AOPEP: variants seen among roughly 807,000 people sequenced by gnomAD.
The protein encoded by AOPEP is aminopeptidase O.
AOPEP carries 77 observed loss-of-function variants against 98.1 expected under a neutral mutation model. The ratio of observed to expected loss-of-function variants is 0.78; its 90% CI spans 0.65 to 0.95. The LOEUF (loss-of-function observed/expected upper bound fraction) is 0.95. AOPEP is among the 40% of genes least tolerant of loss of function. The pLI is 0.00. For missense variants in AOPEP, 1,024 were observed against 1,024.7 expected, an observed-to-expected ratio of 1.00 and a Z score of 0.01; for synonymous variants, 346 against 365.3, an observed-to-expected ratio of 0.95 and a Z score of 0.60.
the AOPEP span, among the ~76,000 whole-genome samples, chr9:95,140,349 C>T: frequency 6.6e-6 from 1 of 152,068 alleles, no homozygotes; most frequent in Non-Finnish European, 1.5e-5. Context: ...TACTTTGTTT[C>T]CCCCAAATAC....
rs200946624 is a variant in AOPEP, at chr9:94,989,124, CAG to C, written c.1977+9700_1977+9701del. Among the ~76,000 whole-genome samples the C allele has an allele frequency of 5.2e-3, 796 of 151,930 alleles. 14 individuals are homozygous for C. The highest frequency in any genetic ancestry group is 0.044 in the East Asian group (225 of 5,166). On this transcript the variant is annotated intron_variant, in intron 11 of 16. Coordinates refer to ENST00000375315, the MANE Select transcript of AOPEP (RefSeq NM_001193329.3). ...GTTTGTTTGTTTGTTTGTTTTGAGA[CAG>C]AGTCTTGCTCTGTCACCCAGGCTGG...
Position 94,911,166 on chromosome 9 carries a change from G to T in AOPEP, c.1365-12820G>T, listed in dbSNP as rs113545977. On this transcript the variant is annotated intron_variant, in intron 5 of 16. Coordinates refer to ENST00000375315, the MANE Select transcript of AOPEP (RefSeq NM_001193329.3). ...CCCTTTGGAACTAGTGGTTTAAAATGAGCTCTCCTTTACCTCCATTCTTGT... is the reference window on the plus strand; with the variant it reads ...CCCTTTGGAACTAGTGGTTTAAAATTAGCTCTCCTTTACCTCCATTCTTGT... Among the ~76,000 whole-genome samples, 13 of 152,292 alleles carry T rather than the reference G, an allele frequency of 8.5e-5. 1 individual carries two copies. The highest frequency in any genetic ancestry group is 3.1e-4 in the African/African-American group (13 of 41,574).
At chr9:94,810,553 G>T (rs1850319045) in intron 5 of AOPEP, among the ~76,000 whole-genome samples, 2 of 152,086 alleles carry the variant, frequency 1.3e-5, no homozygotes, top group African/African-American at 4.8e-5. Context: ...CACCTCAAAT[G>T]ATCCACCCAC....
intron 13 of AOPEP, among the ~76,000 whole-genome samples, chr9:95,057,827 C>T (rs1227136575): frequency 1.3e-5 from 2 of 152,124 alleles, no homozygotes; most frequent in African/African-American, 2.4e-5. Flanking sequence ...CAAGTCTATT[C>T]AGAAGAATGG....
intron 5 of AOPEP, among the ~76,000 whole-genome samples, chr9:94,865,594 T>C (rs1298496564): frequency 2.6e-5 from 4 of 152,230 alleles, no homozygotes; most frequent in Non-Finnish European, 5.9e-5. Context: ...ATTGGTAACA[T>C]TACTTGGCAT....
intron 3 of AOPEP, among the ~76,000 whole-genome samples, chr9:94,774,673 A>T (rs572854011): frequency 6.6e-6 from 1 of 152,242 alleles, no homozygotes; most frequent in South Asian, 2.1e-4. Flanking sequence ...TTTTCCTGTT[A>T]TAAATAAAGT....
At chr9:94,896,710 C>T (rs1041499029) in intron 5 of AOPEP, among the ~76,000 whole-genome samples, 1 of 152,152 alleles carries the variant, frequency 6.6e-6, no homozygotes, top group Non-Finnish European at 1.5e-5. Context: ...TTAAAACTGT[C>T]AAGGTCATCA....
In AOPEP at chr9:94,953,051, G is replaced by A. The variant is rs80084917; in HGVS notation, c.1662-2126G>A. 5.0e-3 allele frequency among the ~76,000 whole-genome samples: 756 copies of A among 152,282 alleles called. 3 individuals are homozygous for A. Among genetic ancestry groups the A allele is most frequent in the African/African-American group, 0.017 (688 of 41,558 alleles). On this transcript the variant is annotated intron_variant, in intron 7 of 16. Transcript: ENST00000375315. ...CGAGCAGTCTCAATTCAGGGCTCAA[G>A]GGCAAAAAAGACGCACGGCAACTCT...
chr9:95,134,428 CACTA>C, the AOPEP span, among the ~76,000 whole-genome samples: 2 of 152,170 alleles, frequency 1.3e-5, no homozygotes, highest in Non-Finnish European at 2.9e-5. Flanking sequence ...GTGTCCCGGC[CACTA>C]ACTAAAGACC....
At position 94,760,468 on chromosome 9, in the gene AOPEP, A is replaced by T. The variant is rs140563732; in HGVS notation, c.685A>T (p.Ile229Leu). Residue 229 changes from isoleucine (I) to leucine (L), a missense_variant, in exon 2 of 17, where the codon ATA becomes TTA. Transcript: ENST00000375315. Reference sequence around the variant, plus strand: ...TGACACTGACACTTGGAGCTTGCAGATAAGGAAGACAGGGGCTCAGACAGC... The same window carrying T: ...TGACACTGACACTTGGAGCTTGCAGTTAAGGAAGACAGGGGCTCAGACAGC... ...LFDTDTWSLQ[I>L]RKTGAQTATD... 1.4e-4 allele frequency: 232 copies of T among 1,613,618 alleles called. No homozygotes were observed. In the East Asian group the frequency reaches 3.4e-3, roughly 24 times the overall value.
chr9:94,755,830 T>G (rs1370835441), intron 1 of AOPEP, among the ~76,000 whole-genome samples: 1 of 152,242 alleles, frequency 6.6e-6, no homozygotes, highest in Non-Finnish European at 1.5e-5. Flanking sequence ...ACTTTGCCTC[T>G]CTGGGACCCA....
chr9:94,879,913 C>T lies in AOPEP; in HGVS notation c.1365-44073C>T, dbSNP rs115460914. ...TTGTGGAGTGCAGGCCTTTTAACAA[C>T]GGAAGCTTTAAAGACTCAGGAAGGA... On this transcript the variant is annotated intron_variant, in intron 5 of 16. Coordinates refer to ENST00000375315, the MANE Select transcript of AOPEP (RefSeq NM_001193329.3). 7.5e-3 allele frequency among the ~76,000 whole-genome samples: 1,144 copies of T among 152,284 alleles called. 15 individuals are homozygous for T. The highest frequency in any genetic ancestry group is 0.026 in the African/African-American group (1,101 of 41,556).
chr9:95,005,971 G>T (rs1194425383), intron 13 of AOPEP: 1 of 490,686 alleles, frequency 2.0e-6, no homozygotes, highest in Non-Finnish European at 4.1e-6. Flanking sequence ...ACAGTATTAG[G>T]TTTCCATGCT....
chr9:94,816,604 G>A (rs1382456150), intron 5 of AOPEP, among the ~76,000 whole-genome samples: 2 of 152,158 alleles, frequency 1.3e-5, no homozygotes, highest in Admixed American at 6.5e-5. Context: ...CCTTCAGTAG[G>A]GAGGGCATAT....
intron 5 of AOPEP, among the ~76,000 whole-genome samples, chr9:94,863,936 A>T (rs1050824421): frequency 4.6e-5 from 7 of 152,202 alleles, no homozygotes; most frequent in Non-Finnish European, 1.0e-4. Flanking sequence ...AGTGACACTT[A>T]GCTGCAAGGG....
At chr9:95,081,977 TGTGA>T (rs957562848) in intron 15 of AOPEP, among the ~76,000 whole-genome samples, 1 of 152,030 alleles carries the variant, frequency 6.6e-6, no homozygotes, top group East Asian at 1.9e-4. Context: ...AAAATGCAGA[TGTGA>T]GTGTTTGCGG....
chr9:95,130,882 T>C, the AOPEP span, among the ~76,000 whole-genome samples: 1 of 152,256 alleles, frequency 6.6e-6, no homozygotes, highest in African/African-American at 2.4e-5. Context: ...CCTTCACATC[T>C]ATCATGTACA....
At chr9:94,795,081 C>G (rs1846618117) in intron 4 of AOPEP, among the ~76,000 whole-genome samples, 1 of 152,144 alleles carries the variant, frequency 6.6e-6, no homozygotes, top group Admixed American at 6.5e-5. Context: ...GCCTGCAAAA[C>G]AGATTGGATA....
the AOPEP span, chr9:95,142,630 T>A: frequency 3.0e-4 from 45 of 152,108 alleles, no homozygotes; most frequent in African/African-American, 9.9e-4. Context: ...TTAGTGTAAG[T>A]ATTTGTCCTA....
Sources: gnomAD v4.1 joint callset for allele counts (sites outside exome capture counted in the v4.1 genomes callset) on GRCh38, gnomAD v4.1.1 for gene constraint, MANE v1.5 for transcripts, NCBI Gene and HGNC (gene_info 2026-07-23, HGNC 2026-07-21) for gene names.